Variants in RTN4RL1 observed in about 807,000 individuals in gnomAD.
The protein encoded by RTN4RL1 is reticulon-4 receptor-like 1.
In RTN4RL1, 7 loss-of-function variants were observed where a neutral mutation model predicts 25.6. The observed-to-expected ratio is 0.27, with a 90% CI of 0.16 to 0.51. The LOEUF (loss-of-function observed/expected upper bound fraction) is 0.51. Ranked by LOEUF, RTN4RL1 falls within the 20% of genes least tolerant of loss-of-function variation. The pLI is 0.97. For missense variants in RTN4RL1, 500 were observed against 615.6 expected, an observed-to-expected ratio of 0.81 and a Z score of 1.99; for synonymous variants, 297 against 288.2, an observed-to-expected ratio of 1.03 and a Z score of -0.31.
chr17:2,020,801 A>G (rs1288802927), intron 1 of RTN4RL1: 1 of 152,234 alleles, frequency 6.6e-6, no homozygotes, highest in Non-Finnish European at 1.5e-5. Flanking sequence ...CTTTAAGGAA[A>G]GGTTCTGTAT....
intron 1 of RTN4RL1, among the ~76,000 whole-genome samples, chr17:1,997,359 A>G (rs2066933824): frequency 6.6e-6 from 1 of 152,220 alleles, no homozygotes; most frequent in African/African-American, 2.4e-5. Context: ...GGACCAGCCC[A>G]GCTGATGTGG....
chr17:2,024,154 G>C (rs1332070606), intron 1 of RTN4RL1, among the ~76,000 whole-genome samples: 1 of 152,214 alleles, frequency 6.6e-6, no homozygotes, highest in Non-Finnish European at 1.5e-5. Flanking sequence ...GGGCTGCTGG[G>C]GCGTCTAGCT....
At chr17:1,975,069 A>C (rs1309675392) in intron 1 of RTN4RL1, among the ~76,000 whole-genome samples, 1 of 152,010 alleles carries the variant, frequency 6.6e-6, no homozygotes, top group African/African-American at 2.4e-5. Flanking sequence ...CGGCACCCCC[A>C]CCCATGGTGA....
Position 1,934,697 on chromosome 17 carries a change from T to C in RTN4RL1, c.*1799A>G, listed in dbSNP as rs1597481661. 1 of 152,582 alleles carries C rather than the reference T, an allele frequency of 6.6e-6. No individual in the cohort carries two copies. The highest frequency in any genetic ancestry group is 1.5e-5 in the Non-Finnish European group (1 of 68,068). The allele number at this position is 152,582 out of a possible 1,614,324, so 9.5% of individuals were successfully genotyped here. A position where few individuals can be genotyped will look rare whatever the true frequency, so the allele number is the denominator to read the frequency against. ...CAGGGTTCTTGTCCAAGATCATTTA[T>C]TGTTATTATTATTTTTCTCTCTTAA... On this transcript the variant is annotated 3_prime_UTR_variant, in exon 2 of 2. Transcript: ENST00000331238. The surrounding 1 kb of genome is among the most constrained non-coding windows in gnomAD (Gnocchi z 4.0).
chr17:1,986,428 A>G (rs77872237), intron 1 of RTN4RL1, among the ~76,000 whole-genome samples: 2,833 of 152,226 alleles, frequency 0.019, 70 homozygotes, highest in African/African-American at 0.065. Context: ...CCTTATTTGG[A>G]AAAAGGCGTC....
At chr17:2,018,614 C>T (rs552482793) in intron 1 of RTN4RL1, among the ~76,000 whole-genome samples, 6 of 152,310 alleles carry the variant, frequency 3.9e-5, no homozygotes, top group African/African-American at 1.4e-4. Context: ...CAGTGGAGCA[C>T]AGAGGTCCAG....
intron 1 of RTN4RL1, among the ~76,000 whole-genome samples, chr17:1,969,870 G>C (rs1249944720): frequency 1.3e-5 from 2 of 152,102 alleles, no homozygotes; most frequent in Non-Finnish European, 2.9e-5. Flanking sequence ...CAGCAGGATG[G>C]TTCTTCTGTT....
intron 1 of RTN4RL1, among the ~76,000 whole-genome samples, chr17:1,978,313 G>A (rs2066852245): frequency 6.6e-6 from 1 of 152,238 alleles, no homozygotes; most frequent in South Asian, 2.1e-4. Flanking sequence ...CAGCACTTCA[G>A]GGGAACCCAA....
Position 1,950,846 on chromosome 17 carries a change from CAAAAAAAAAAAA to C in RTN4RL1, c.14-13050_14-13039del, listed in dbSNP as rs61660812. 6.8e-3 allele frequency among the ~76,000 whole-genome samples: 121 copies of C among 17,798 alleles called. 3 individuals carry two copies. Among genetic ancestry groups the C allele is most frequent in the African/African-American group, 0.017 (105 of 6,232 alleles). 11.7% of individuals were successfully genotyped at this position (17,798 alleles called of 152,430 possible). The stretch of plus-strand genomic sequence containing the variant: ...GGGCGACAGAGTGAGACACAGTCTC[CAAAAAAAAAAAA>C]AAAAAAAAAAAAAAAAGGCTACTTG... On this transcript the variant is annotated intron_variant, in intron 1 of 1. Transcript: ENST00000331238.
chr17:1,988,403 C>CA (rs398030159), intron 1 of RTN4RL1, among the ~76,000 whole-genome samples: 40,544 of 77,062 alleles, frequency 0.53, 9,815 homozygotes, highest in Admixed American at 0.59. Flanking sequence ...GACTCCGCCT[C>CA]AAAAAAAAAA....
Position 1,935,876 on chromosome 17 carries a change from G to C in RTN4RL1, c.*620C>G, listed in dbSNP as rs936403963. The C allele has an allele frequency of 1.2e-5, 12 of 985,284 alleles. No homozygotes were observed. The highest frequency in any genetic ancestry group is 1.4e-5 in the Non-Finnish European group (12 of 829,800). 61.0% of individuals were successfully genotyped at this position (985,284 alleles called of 1,614,324 possible). ...TCTGATGATCTTTCCTTTGGTAATT[G>C]GTTCTTGGACCCCAGCAGTTGGACC... On this transcript the variant is annotated 3_prime_UTR_variant, in exon 2 of 2. Transcript: ENST00000331238.
intron 1 of RTN4RL1, among the ~76,000 whole-genome samples, chr17:2,014,836 G>GAA (rs113628933): frequency 3.2e-4 from 44 of 138,514 alleles, no homozygotes; most frequent in African/African-American, 1.1e-3. Flanking sequence ...CATCTCAAAG[G>GAA]AAAAAAAAAA....
chr17:1,964,033 G>A (rs2066777977), intron 1 of RTN4RL1, among the ~76,000 whole-genome samples: 1 of 152,098 alleles, frequency 6.6e-6, no homozygotes, highest in East Asian at 1.9e-4. Context: ...GCCTGCCCTT[G>A]GGAGTTCTAA....
chr17:1,980,070 T>C lies in RTN4RL1; in HGVS notation c.14-42262A>G, dbSNP rs560166959. Reference sequence around the variant, plus strand: ...CTCAGATATATTTTTTCTTTTCTTTTCTTTTTTGTTTGAGACAGGGCCTCA... The same window carrying C: ...CTCAGATATATTTTTTCTTTTCTTTCCTTTTTTGTTTGAGACAGGGCCTCA... On this transcript the variant is annotated intron_variant, in intron 1 of 1. Transcript: ENST00000331238. 1.1e-4 allele frequency among the ~76,000 whole-genome samples: 17 copies of C among 152,152 alleles called. No individual in the cohort carries two copies. The South Asian group carries it at 3.5e-3, about 32-fold the overall frequency.
chr17:1,967,659 T>A (rs1348606128), intron 1 of RTN4RL1, among the ~76,000 whole-genome samples: 5 of 151,468 alleles, frequency 3.3e-5, no homozygotes, highest in African/African-American at 7.3e-5. Context: ...TTTTTTTTTT[T>A]AAAACAGAGT....
intron 1 of RTN4RL1, among the ~76,000 whole-genome samples, chr17:2,000,253 T>C (rs2066951021): frequency 6.6e-6 from 1 of 152,192 alleles, no homozygotes; most frequent in Admixed American, 6.5e-5. Context: ...CCAAGGATAT[T>C]GGGTGCCTTG....
chr17:1,977,323 G>A (rs1055504945), intron 1 of RTN4RL1, among the ~76,000 whole-genome samples: 2 of 151,754 alleles, frequency 1.3e-5, no homozygotes. Flanking sequence ...CCCACCCCAC[G>A]GCCACCCCAA....
intron 1 of RTN4RL1, among the ~76,000 whole-genome samples, chr17:1,991,486 C>CAAAAGGGTAT (rs1164188626): frequency 2.4e-5 from 3 of 127,530 alleles, no homozygotes; most frequent in African/African-American, 8.8e-5. Flanking sequence ...TCAAAGAACA[C>CAAAAGGGTAT]AAAAGGGTAT....
intron 1 of RTN4RL1, among the ~76,000 whole-genome samples, chr17:2,002,418 G>C (rs545786565): frequency 3.0e-4 from 45 of 150,392 alleles, no homozygotes; most frequent in South Asian, 1.9e-3. Context: ...TCAGCCTCCC[G>C]AGTAGCTGGG....
Sources: allele counts gnomAD v4.1 joint callset (sites outside exome capture counted in the v4.1 genomes callset), GRCh38; gene constraint gnomAD v4.1.1; non-coding constraint Gnocchi (gnomAD v3.1); transcripts MANE v1.5; gene names NCBI Gene and HGNC (gene_info 2026-07-23, HGNC 2026-07-21).